The following BORCS5 variants were observed in gnomAD, a reference collection of about 807,000 sequenced individuals.
The protein encoded by BORCS5 is BLOC-1 related complex subunit 5.
Under a neutral mutation model 22.1 loss-of-function variants are expected in BORCS5, and 17 were observed. The observed-to-expected ratio is 0.77, with a 90% CI of 0.53 to 1.15. BORCS5 has a LOEUF of 1.15. Ranked by LOEUF, BORCS5 falls within the 50% of genes most tolerant of loss-of-function variation. The probability of loss-of-function intolerance (pLI) is 0.00; values close to 1 mark genes in which losing one functional copy is unlikely to be tolerated. For synonymous variants in BORCS5, 117 were observed against 99.8 expected, an observed-to-expected ratio of 1.17 and a Z score of -1.03; for missense variants, 247 against 253.2, an observed-to-expected ratio of 0.98 and a Z score of 0.17.
In BORCS5 at chr12:12,361,370, T is replaced by A. The variant is rs764555082; in HGVS notation, c.202+21T>A. The A allele has an allele frequency of 9.3e-6, 15 of 1,608,916 alleles. No individual in the cohort carries two copies. In the African/African-American group the frequency reaches 1.6e-4, roughly 17 times the overall value. ...GAAAGGTAAAGGATTGCGTTTTGTTTTATCTGAACTTGCTGGAGACGTTTG... is the reference window on the plus strand; with the variant it reads ...GAAAGGTAAAGGATTGCGTTTTGTTATATCTGAACTTGCTGGAGACGTTTG... On this transcript the variant is annotated intron_variant, in intron 2 of 3. Coordinates refer to ENST00000314565, the MANE Select transcript of BORCS5 (RefSeq NM_058169.6).
rs372498599 is a variant in BORCS5 at position 12,455,158 on chromosome 12, A to G, written c.361-10388A>G. ...ACTTACAATAAAAGAGCAGAATTAC[A>G]TATCACTGCCTGCTCATTACATTTT... On this transcript the variant is annotated intron_variant, in intron 3 of 3. Coordinates refer to ENST00000314565, the MANE Select transcript of BORCS5 (RefSeq NM_058169.6). Among the ~76,000 whole-genome samples the G allele has an allele frequency of 8.5e-5, 13 of 152,324 alleles. No individual in the cohort carries two copies. The East Asian group carries it at 1.5e-3, about 18-fold the overall frequency.
Position 12,413,960 on chromosome 12 carries a change from G to A in BORCS5, c.203-21668G>A, listed in dbSNP as rs1203900918. On this transcript the variant is annotated intron_variant, in intron 2 of 3. Transcript: ENST00000314565. The stretch of plus-strand genomic sequence containing the variant: ...TGACCCCCCCACCTCCCTCCCGGAC[G>A]GGGCGGCTGGCCGGGCAGAGGGGTC... Among the ~76,000 whole-genome samples the A allele has an allele frequency of 1.0e-4, 6 of 57,462 alleles. No homozygotes were observed. In the South Asian group the frequency reaches 2.5e-3, roughly 24 times the overall value. 37.7% of individuals were successfully genotyped at this position (57,462 alleles called of 152,430 possible).
chr12:12,412,357 A>T (rs1313040659), intron 2 of BORCS5, among the ~76,000 whole-genome samples: 3 of 151,728 alleles, frequency 2.0e-5, no homozygotes, highest in Non-Finnish European at 4.4e-5. Flanking sequence ...GTTTATTCCT[A>T]AGTGTTTTAT....
intron 2 of BORCS5, among the ~76,000 whole-genome samples, chr12:12,377,295 C>T (rs1322931368): frequency 4.6e-5 from 7 of 152,000 alleles, no homozygotes; most frequent in African/African-American, 7.2e-5. Context: ...TCTTCTGCCT[C>T]GGCCTCCCGA....
At position 12,420,347 on chromosome 12, in the gene BORCS5, G is replaced by A. The variant is rs574676040; in HGVS notation, c.203-15281G>A. On this transcript the variant is annotated intron_variant, in intron 2 of 3. Transcript: ENST00000314565. ...TTTTTATCAGGTTTGTCAAAAATCA[G>A]ATGGTTGTAGATGTGTGGTGTTATT... Among the ~76,000 whole-genome samples the A allele has an allele frequency of 2.6e-5, 4 of 152,336 alleles. No individual in the cohort carries two copies. The East Asian group carries it at 7.7e-4, about 29-fold the overall frequency.
chr12:12,453,190 CA>C (rs1230252243), intron 3 of BORCS5, among the ~76,000 whole-genome samples: 1 of 152,072 alleles, frequency 6.6e-6, no homozygotes, highest in African/African-American at 2.4e-5. Flanking sequence ...ATATGTATGT[CA>C]AAACATGTGT....
At chr12:12,457,636 C>G (rs541500967) in intron 3 of BORCS5, among the ~76,000 whole-genome samples, 2 of 152,306 alleles carry the variant, frequency 1.3e-5, no homozygotes, top group East Asian at 1.9e-4. Flanking sequence ...CGCCACTGCA[C>G]TCCATAGAAG....
At chr12:12,464,513 C>T (rs1296984829) in intron 3 of BORCS5, among the ~76,000 whole-genome samples, 1 of 152,038 alleles carries the variant, frequency 6.6e-6, no homozygotes, top group Non-Finnish European at 1.5e-5. Context: ...CAGGAATAAA[C>T]CAGAAGGAAG....
At chr12:12,464,677 C>G (rs1195827709) in intron 3 of BORCS5, among the ~76,000 whole-genome samples, 1 of 152,104 alleles carries the variant, frequency 6.6e-6, no homozygotes, top group Non-Finnish European at 1.5e-5. Flanking sequence ...GGCGGTCTCT[C>G]TCTCTATTTT....
At chr12:12,456,631 G>A (rs79802171) in intron 3 of BORCS5, among the ~76,000 whole-genome samples, 10,831 of 152,134 alleles carry the variant, frequency 0.071, 573 homozygotes, top group East Asian at 0.23. Flanking sequence ...ACGCATGTAC[G>A]CCTATGTATT....
In BORCS5 at chr12:12,357,120, T is replaced by G; in HGVS notation, c.-332T>G. Reference sequence around the variant, plus strand: ...AGCGAGCTTGCGGAGCGTGAACCAGTGAGTGAAAGCGGCGCCGCCCGCCGG... The same window carrying G: ...AGCGAGCTTGCGGAGCGTGAACCAGGGAGTGAAAGCGGCGCCGCCCGCCGG... On this transcript the variant is annotated 5_prime_UTR_variant, in exon 1 of 4. Transcript: ENST00000314565. 6.5e-7 allele frequency: 1 copy of G among 1,534,294 alleles called. No individual in the cohort carries two copies. The highest frequency in any genetic ancestry group is 8.7e-7 in the Non-Finnish European group (1 of 1,146,074).
chr12:12,401,728 A>T (rs6488521), intron 2 of BORCS5, among the ~76,000 whole-genome samples: 26,689 of 152,034 alleles, frequency 0.18, 3,536 homozygotes, highest in African/African-American at 0.37. Context: ...TTAAAATTCT[A>T]TTGTGGCATT....
At chr12:12,378,697 A>G (rs1863710631) in intron 2 of BORCS5, among the ~76,000 whole-genome samples, 1 of 151,276 alleles carries the variant, frequency 6.6e-6, no homozygotes, top group Non-Finnish European at 1.5e-5. Flanking sequence ...GCACATTTGA[A>G]TAGTTGTGTA....
At chr12:12,454,902 C>A (rs1330242089) in intron 3 of BORCS5, among the ~76,000 whole-genome samples, 1 of 152,102 alleles carries the variant, frequency 6.6e-6, no homozygotes, top group Non-Finnish European at 1.5e-5. Context: ...TGTGATTTGC[C>A]CAAGTTCACC....
intron 3 of BORCS5, among the ~76,000 whole-genome samples, chr12:12,458,781 G>C (rs997215079): frequency 4.0e-5 from 6 of 151,238 alleles, no homozygotes; most frequent in Admixed American, 3.9e-4. Flanking sequence ...GACTATCCTG[G>C]CTAACACGGT....
chr12:12,409,399 G>A (rs1181380509), intron 2 of BORCS5, among the ~76,000 whole-genome samples: 1 of 143,132 alleles, frequency 7.0e-6, no homozygotes, highest in Non-Finnish European at 1.5e-5. Context: ...AGTCCCCGGT[G>A]TGTGATGTTT....
intron 2 of BORCS5, among the ~76,000 whole-genome samples, chr12:12,384,536 G>A (rs1021699985): frequency 6.7e-6 from 1 of 149,842 alleles, no homozygotes; most frequent in African/African-American, 2.5e-5. Context: ...TAAGAACTGG[G>A]CATTTTAGAT....
intron 2 of BORCS5, among the ~76,000 whole-genome samples, chr12:12,412,463 CTT>C (rs1332493709): frequency 6.6e-6 from 1 of 152,076 alleles, no homozygotes; most frequent in African/African-American, 2.4e-5. Flanking sequence ...TGCATGTTGA[CTT>C]TGTATCCTGC....
intron 2 of BORCS5, among the ~76,000 whole-genome samples, chr12:12,430,788 T>G (rs557971979): frequency 2.6e-5 from 4 of 152,218 alleles, no homozygotes; most frequent in Non-Finnish European, 4.4e-5. Context: ...CATATACTCT[T>G]GTTTACTTGC....
Sources: allele counts gnomAD v4.1 joint callset (sites outside exome capture counted in the v4.1 genomes callset), GRCh38; gene constraint gnomAD v4.1.1; transcripts MANE v1.5; gene names NCBI Gene and HGNC (gene_info 2026-07-23, HGNC 2026-07-21).